Variants in STOX1 observed in about 807,000 individuals in gnomAD.
The protein encoded by STOX1 is storkhead box 1.
In STOX1, 57 loss-of-function variants were observed where a neutral mutation model predicts 74.8. The ratio of observed to expected loss-of-function variants is 0.76; its 90% CI spans 0.62 to 0.95. The LOEUF is 0.95. Ranked by LOEUF, STOX1 falls within the 40% of genes least tolerant of loss-of-function variation. STOX1 has a pLI of 0.00. For missense variants in STOX1, 1,010 were observed against 1,117.0 expected, an observed-to-expected ratio of 0.90 and a Z score of 1.37; for synonymous variants, 375 against 401.3, an observed-to-expected ratio of 0.93 and a Z score of 0.78.
intron 1 of STOX1, among the ~76,000 whole-genome samples, chr10:68,838,977 A>C (rs770802493): frequency 6.6e-6 from 1 of 151,900 alleles, no homozygotes. Flanking sequence ...GAGGAAAAGC[A>C]TTCAGTTTTT....
chr10:68,845,133 C>T (rs1389259239), intron 1 of STOX1, among the ~76,000 whole-genome samples: 7 of 151,924 alleles, frequency 4.6e-5, no homozygotes, highest in African/African-American at 9.7e-5. Context: ...GATGGAGTCT[C>T]GCTCTATCAC....
At chr10:68,851,950 A>G (rs1242244444) in intron 1 of STOX1, among the ~76,000 whole-genome samples, 1 of 152,156 alleles carries the variant, frequency 6.6e-6, no homozygotes. Flanking sequence ...CCTGGCCAAC[A>G]TGGTGAAACC....
intron 3 of STOX1, among the ~76,000 whole-genome samples, chr10:68,889,002 A>T (rs544027740): frequency 2.0e-5 from 3 of 151,220 alleles, no homozygotes; most frequent in African/African-American, 7.3e-5. Context: ...TTTTTCTTTG[A>T]GACAGGGTTG....
At chr10:68,887,105 A>G (rs1341108535) in intron 3 of STOX1, among the ~76,000 whole-genome samples, 4 of 152,184 alleles carry the variant, frequency 2.6e-5, no homozygotes, top group Non-Finnish European at 5.9e-5. Flanking sequence ...CTTATATAGT[A>G]GGATACAGTT....
chr10:68,881,823 G>A (rs1840818894), intron 1 of STOX1, 135 bp from the exon 2 acceptor site: 1 of 987,872 alleles, frequency 1.0e-6, no homozygotes, highest in South Asian at 1.4e-5. Context: ...CATGTTAACA[G>A]ATTCTGAGTA....
intron 1 of STOX1, among the ~76,000 whole-genome samples, chr10:68,836,162 G>A (rs1564569042): frequency 1.3e-5 from 2 of 152,208 alleles, no homozygotes; most frequent in African/African-American, 2.4e-5. Context: ...GAGCCACCAC[G>A]CCCCGCCCTT....
Position 68,885,972 on chromosome 10 carries a change from G to A in STOX1, c.2176G>A (p.Glu726Lys). 1 of 1,614,224 alleles carries A rather than the reference G, an allele frequency of 6.2e-7. No individual in the cohort carries two copies. ...DDQALYQNEV[E>K]DDDGACSSLY... ...CCAGGCCTTGTATCAGAATGAAGTG[G>A]AAGATGATGATGGTGCCTGTAGTTC... Residue 726 changes from glutamate to lysine, a missense_variant, in exon 3 of 4, where the codon GAA (glutamate) becomes AAA (lysine). Transcript: ENST00000298596.
intron 1 of STOX1, among the ~76,000 whole-genome samples, chr10:68,871,765 A>G (rs1317544699): frequency 6.6e-6 from 1 of 152,136 alleles, no homozygotes; most frequent in Non-Finnish European, 1.5e-5. Flanking sequence ...TATTGTTTCC[A>G]TTTCATTTGA....
intron 1 of STOX1, chr10:68,828,857 C>T (rs1321602605): frequency 2.1e-6 from 1 of 471,304 alleles, no homozygotes; most frequent in Non-Finnish European, 2.8e-6. Flanking sequence ...AGGATTCCAC[C>T]TTCCCAGTCT....
intron 1 of STOX1, among the ~76,000 whole-genome samples, chr10:68,839,838 C>T (rs1839649512): frequency 6.6e-6 from 1 of 151,990 alleles, no homozygotes; most frequent in Non-Finnish European, 1.5e-5. Context: ...TGCAGTGAGC[C>T]GAGATTGCGC....
chr10:68,867,003 T>C (rs1840426433), intron 1 of STOX1, among the ~76,000 whole-genome samples: 1 of 147,816 alleles, frequency 6.8e-6, no homozygotes, highest in Non-Finnish European at 1.5e-5. Context: ...TGGAGTGCAG[T>C]GGCACGATCT....
intron 1 of STOX1, among the ~76,000 whole-genome samples, chr10:68,833,815 GGTCTGTCTCTCTTCTCTTACTGGC>G (rs2133488234): frequency 6.6e-6 from 1 of 152,202 alleles, no homozygotes; most frequent in Non-Finnish European, 1.5e-5. Flanking sequence ...AATATGAGAG[GGTCTGTCTCTCTTCTCTTACTGGC>G]GTGAGCCATT....
At chr10:68,853,978 C>A (rs1480435133) in intron 1 of STOX1, among the ~76,000 whole-genome samples, 2 of 151,406 alleles carry the variant, frequency 1.3e-5, no homozygotes, top group African/African-American at 4.9e-5. Flanking sequence ...AGCCACCGCG[C>A]CCAGCCTTTT....
At chr10:68,828,335 A>G in intron 1 of STOX1, 2 of 1,059,124 alleles carry the variant, frequency 1.9e-6, no homozygotes, top group East Asian at 4.9e-5. Context: ...TCCGCGCTGC[A>G]GGGGCGAGCG....
chr10:68,885,845 A>G lies in STOX1; in HGVS notation c.2049A>G (p.Gln683=). 6.2e-7 allele frequency: 1 copy of G among 1,614,092 alleles called. No homozygotes were observed. The change falls in exon 3 of 4, where the codon CAA becomes CAG. Residue 683 remains glutamine (Q), a synonymous_variant. Coordinates refer to ENST00000298596, the MANE Select transcript of STOX1 (RefSeq NM_152709.5). The part of the protein sequence containing the change: ...DYPVGVNPLR[Q]AARQDKDSEE... ...CAGTTGGCGTGAACCCTTTAAGACA[A>G]GCTGCAAGACAAGACAAAGACTCAG...
chr10:68,836,226 C>A (rs1236778906), intron 1 of STOX1, among the ~76,000 whole-genome samples: 1 of 152,212 alleles, frequency 6.6e-6, no homozygotes, highest in African/African-American at 2.4e-5. Context: ...GAGCTAGTTA[C>A]TTAACCTCTC....
At chr10:68,846,119 T>TTTATTATTATTATTATTAATATTA (rs1554827709) in intron 1 of STOX1, among the ~76,000 whole-genome samples, 11 of 135,848 alleles carry the variant, frequency 8.1e-5, no homozygotes, top group Admixed American at 1.6e-4. Context: ...GCTTGAGGTT[T>TTTATTATTATTATTATTAATATTA]TTATTATTAT....
chr10:68,860,522 A>C (rs1220121331), intron 1 of STOX1, among the ~76,000 whole-genome samples: 1 of 139,314 alleles, frequency 7.2e-6, no homozygotes, highest in Non-Finnish European at 1.5e-5. Flanking sequence ...GTGAGCTGAG[A>C]TGATGCCACT....
Position 68,884,962 on chromosome 10 carries a change from A to T in STOX1, c.1166A>T (p.Lys389Ile). ...VLMQKYEEQK[K>I]YNSQGTSTDM... ...ATGCAAAAATACGAAGAACAGAAAA[A>T]ATATAATAGCCAGGGCACTTCCACT... is the stretch of plus-strand genomic sequence containing the variant. The change falls in exon 3 of 4, where the codon AAA becomes ATA. Residue 389 changes from lysine to isoleucine, a missense_variant. Transcript: ENST00000298596. 6.2e-7 allele frequency: 1 copy of T among 1,614,130 alleles called. No individual in the cohort carries two copies. Among genetic ancestry groups the T allele is most frequent in the Non-Finnish European group, 8.5e-7 (1 of 1,180,030 alleles).
Sources: gnomAD v4.1 joint callset for allele counts (sites outside exome capture counted in the v4.1 genomes callset) on GRCh38, gnomAD v4.1.1 for gene constraint, MANE v1.5 for transcripts, NCBI Gene and HGNC (gene_info 2026-07-23, HGNC 2026-07-21) for gene names.